Variants in MICAL3 observed in about 807,000 individuals in gnomAD.
MICAL3 encodes microtubule associated monooxygenase, calponin and LIM domain containing 3.
MICAL3 carries 62 observed loss-of-function variants against 207.4 expected under a neutral mutation model. The observed-to-expected ratio is 0.30, with a 90% CI of 0.24 to 0.37. The LOEUF (loss-of-function observed/expected upper bound fraction) is 0.37, where lower values mean the gene tolerates loss of function less well. MICAL3 is among the 10% of genes least tolerant of loss of function. MICAL3 has a pLI of 1.00. For missense variants in MICAL3, 2,368 were observed against 2,635.6 expected (o/e 0.90, Z 2.22); for synonymous variants, 1,077 against 1,069.3 (o/e 1.01, Z -0.14).
At chr22:17,957,724 A>G (rs552251613) in intron 1 of MICAL3, among the ~76,000 whole-genome samples, 312 of 144,058 alleles carry the variant, frequency 2.2e-3, no homozygotes, top group Non-Finnish European at 3.3e-3. Flanking sequence ...AAAAAAAAAA[A>G]AAAGAGAGAG....
At chr22:17,890,776 T>A (rs1230048985) in intron 12 of MICAL3, among the ~76,000 whole-genome samples, 1 of 152,194 alleles carries the variant, frequency 6.6e-6, no homozygotes, top group East Asian at 1.9e-4. Context: ...TAATGCAACA[T>A]GCTCTGCTTC....
intron 20 of MICAL3, among the ~76,000 whole-genome samples, chr22:17,838,586 G>T (rs1036409441): frequency 6.6e-6 from 1 of 152,166 alleles, no homozygotes; most frequent in Non-Finnish European, 1.5e-5. Context: ...CTGAAGCAGG[G>T]AGAGGTTAAG....
intron 29 of MICAL3, among the ~76,000 whole-genome samples, chr22:17,804,498 A>G (rs2061970567): frequency 1.3e-5 from 2 of 152,210 alleles, no homozygotes; most frequent in African/African-American, 4.8e-5. Context: ...GGAAACGAGC[A>G]GAGACTCATG....
intron 1 of MICAL3, among the ~76,000 whole-genome samples, chr22:17,986,509 G>A (rs982483785): frequency 2.6e-5 from 4 of 151,676 alleles, no homozygotes; most frequent in Admixed American, 1.3e-4. Context: ...AACAGAGCGA[G>A]AATCTGTCTC....
chr22:17,837,613 G>T (rs1037382442), intron 20 of MICAL3, among the ~76,000 whole-genome samples: 1 of 152,236 alleles, frequency 6.6e-6, no homozygotes, highest in African/African-American at 2.4e-5. Context: ...AAACAAAGCT[G>T]CTATTTCCAG....
At chr22:17,933,501 T>C (rs1413114454) in intron 1 of MICAL3, among the ~76,000 whole-genome samples, 1 of 152,156 alleles carries the variant, frequency 6.6e-6, no homozygotes, top group Non-Finnish European at 1.5e-5. Context: ...TAGCACTAAA[T>C]GCCCACAAGA....
At chr22:17,864,532 T>C (rs1926847987) in intron 19 of MICAL3, 6 of 1,437,040 alleles carry the variant, frequency 4.2e-6, no homozygotes, top group Non-Finnish European at 3.6e-6. Context: ...ATGGGAGCAG[T>C]GTCTGAGCGC....
rs1922851051 is a variant in MICAL3, at chr22:17,831,879, GTCATAGTCCTCCTCCTCCTCCTCT to G, written c.3006_3029del (p.Glu1002_Tyr1009del). ...CTTCACTGGACTCTTCCTCCTCCTCGTCATAGTCCTCCTCCTCCTCCTCTTCATATTCTTCCTCCTCCTCCTCCT... is the reference window on the plus strand; with the variant it reads ...CTTCACTGGACTCTTCCTCCTCCTCGTCATATTCTTCCTCCTCCTCCTCCT... On this transcript the variant is annotated inframe_deletion, in exon 21 of 32. Transcript: ENST00000441493. 2.6e-6 allele frequency: 4 copies of G among 1,553,174 alleles called. No individual in the cohort carries two copies. Among genetic ancestry groups the G allele is most frequent in the Middle Eastern group, 1.7e-4 (1 of 5,780 alleles).
chr22:17,879,537 G>C (rs996695276), intron 16 of MICAL3: 4 of 636,472 alleles, frequency 6.3e-6, no homozygotes, highest in African/African-American at 1.9e-5. Flanking sequence ...CCCATCCCCA[G>C]GTAACCATAA....
chr22:17,992,873 C>G (rs1287806105), intron 1 of MICAL3, among the ~76,000 whole-genome samples: 3 of 152,102 alleles, frequency 2.0e-5, no homozygotes, highest in Admixed American at 1.3e-4. Flanking sequence ...GAACAGCTTC[C>G]CTGCTGTAAA....
chr22:17,841,883 G>T lies in MICAL3; in HGVS notation c.2740C>A (p.Gln914Lys). 6.3e-7 allele frequency: 1 copy of T among 1,581,192 alleles called. No homozygotes were observed. The change falls in exon 20 of 32, where the codon CAG becomes AAG. Residue 914 changes from glutamine (Q) to lysine (K), a missense_variant. Coordinates refer to ENST00000441493, the MANE Select transcript of MICAL3 (RefSeq NM_015241.3). This position sits in a 1 kb window ranked among gnomAD's most constrained non-coding sequence, Gnocchi z 4.2. ...EALQEVPEET[Q>K]AEHNLSSVLD... ...ACGCTGCTCAGGTTGTGCTCGGCCT[G>T]AGTCTCCTCCGGTACCTCCTGCAGT...
At chr22:17,881,118 G>C in intron 16 of MICAL3, 1 of 1,106,810 alleles carries the variant, frequency 9.0e-7, no homozygotes. Context: ...CTGGTAAGAG[G>C]GAAAGTGACT....
chr22:17,960,699 G>A (rs1249341275), intron 1 of MICAL3, among the ~76,000 whole-genome samples: 1 of 152,126 alleles, frequency 6.6e-6, no homozygotes, highest in African/African-American at 2.4e-5. Flanking sequence ...GAGGGTGGGG[G>A]GAAGGAGGCA....
chr22:17,918,149 G>A (rs1015317908), intron 1 of MICAL3, among the ~76,000 whole-genome samples: 9 of 152,102 alleles, frequency 5.9e-5, no homozygotes, highest in Non-Finnish European at 1.0e-4. Context: ...CCCTATAAAC[G>A]TGTCGTAAAC....
In MICAL3 at chr22:17,810,788, A is replaced by C; in HGVS notation, c.5471T>G (p.Leu1824Arg). Residue 1824 changes from leucine to arginine, a missense_variant, in exon 28 of 32, where the codon CTG (leucine) becomes CGG (arginine). Transcript: ENST00000441493. The part of the protein sequence containing the change: ...REPRTYTEEE[L>R]NAKLTRRVQK... ...CACACGCCGGGTCAGCTTGGCATTC[A>C]GTTCCTCCTCCGTGTAGGTTCTTGG... 6.2e-7 allele frequency: 1 copy of C among 1,613,918 alleles called. No individual in the cohort carries two copies. Among genetic ancestry groups the C allele is most frequent in the East Asian group, 2.2e-5 (1 of 44,874 alleles).
intron 19 of MICAL3, among the ~76,000 whole-genome samples, chr22:17,846,590 G>A (rs1012726728): frequency 1.3e-5 from 2 of 152,196 alleles, no homozygotes; most frequent in Non-Finnish European, 2.9e-5. Context: ...CAGAACCCAG[G>A]AGGAGAGAGC....
chr22:17,878,234 G>A (rs1929068359), intron 16 of MICAL3, among the ~76,000 whole-genome samples: 1 of 152,216 alleles, frequency 6.6e-6, no homozygotes. Context: ...AAAATGGAGG[G>A]CACTGCCCTG....
chr22:17,889,263 T>C, intron 12 of MICAL3, 33 bp from the exon 13 acceptor site: 2 of 1,523,276 alleles, frequency 1.3e-6, no homozygotes, highest in East Asian at 2.3e-5. Flanking sequence ...CATATCAAGA[T>C]AGGTTGACAG....
At chr22:17,956,125 T>C (rs921226053) in intron 1 of MICAL3, among the ~76,000 whole-genome samples, 1 of 151,298 alleles carries the variant, frequency 6.6e-6, no homozygotes, top group South Asian at 2.1e-4. Flanking sequence ...CACATGCCTG[T>C]GTCAGCGTCT....
Sources: allele counts gnomAD v4.1 joint callset (sites outside exome capture counted in the v4.1 genomes callset), GRCh38; gene constraint gnomAD v4.1.1; non-coding constraint Gnocchi (gnomAD v3.1); transcripts MANE v1.5; gene names NCBI Gene and HGNC (gene_info 2026-07-23, HGNC 2026-07-21).